Variants in DLG5 observed in about 807,000 individuals in gnomAD.
DLG5 encodes the protein discs large MAGUK scaffold protein 5, also known as disks large homolog 5.
In DLG5, 48 loss-of-function variants were observed where a neutral mutation model predicts 189.8. The observed-to-expected ratio is 0.25, with a 90% CI of 0.20 to 0.32. DLG5 has a LOEUF of 0.32. Among genes scored for constraint, DLG5 ranks in the 10% least tolerant of loss-of-function variants. The probability of loss-of-function intolerance (pLI) is 1.00; values close to 1 mark genes in which losing one functional copy is unlikely to be tolerated. For missense variants in DLG5, 2,160 were observed against 2,544.7 expected, an observed-to-expected ratio of 0.85 and a Z score of 3.25; for synonymous variants, 1,016 against 1,054.1, an observed-to-expected ratio of 0.96 and a Z score of 0.70.
intron 1 of DLG5, among the ~76,000 whole-genome samples, chr10:77,909,477 A>T (rs537860948): frequency 6.2e-4 from 94 of 152,230 alleles, no homozygotes; most frequent in African/African-American, 2.2e-3. Context: ...CGTGTTCTGC[A>T]CATGTACCCC....
At chr10:77,839,219 G>A (rs1215987927) in intron 7 of DLG5, among the ~76,000 whole-genome samples, 1 of 152,184 alleles carries the variant, frequency 6.6e-6, no homozygotes, top group Non-Finnish European at 1.5e-5. Flanking sequence ...CTCAAAACTT[G>A]GCCAGGCGCA....
At chr10:77,917,730 C>A (rs1450708112) in intron 1 of DLG5, among the ~76,000 whole-genome samples, 1 of 152,124 alleles carries the variant, frequency 6.6e-6, no homozygotes, top group African/African-American at 2.4e-5. Context: ...CAGCAGTGTA[C>A]AAATACTTAA....
intron 18 of DLG5, among the ~76,000 whole-genome samples, chr10:77,817,331 C>T (rs73299473): frequency 1.3e-4 from 20 of 152,310 alleles, no homozygotes; most frequent in African/African-American, 4.3e-4. Flanking sequence ...CACTTCCAGC[C>T]ACGGAACAGC....
Position 77,791,138 on chromosome 10 carries a change from A to G in DLG5, c.*1302T>C, listed in dbSNP as rs1840626913. On this transcript the variant is annotated 3_prime_UTR_variant, in exon 32 of 32. Transcript: ENST00000372391. ...AAACATCAGTTATGGCTAAACTACA[A>G]TCTAGTGTCTAGAATTACAAAGAAT... 2 of 152,794 alleles carry G rather than the reference A, an allele frequency of 1.3e-5. No individual in the cohort carries two copies. Among genetic ancestry groups the G allele is most frequent in the East Asian group, 1.9e-4 (1 of 5,190 alleles). The allele number at this position is 152,794 out of a possible 1,614,324, so 9.5% of individuals were successfully genotyped here.
In DLG5 at chr10:77,819,362, T is replaced by A. The variant is rs759925005; in HGVS notation, c.3630A>T (p.Pro1210=). ...GGGGGCCAGCATCTCGGGCCGCAGG[T>A]GGAGAGCTGCAGGGGCCGACCCTGT... The part of the protein sequence containing the change: ...RSHRVGPCSS[P]PAARDAGPQG... The change falls in exon 17 of 32, where the codon CCA becomes CCT. Residue 1210 remains proline, a synonymous_variant. Coordinates refer to ENST00000372391, the MANE Select transcript of DLG5 (RefSeq NM_004747.4). 6.2e-7 allele frequency: 1 copy of A among 1,613,880 alleles called. No individual in the cohort carries two copies. Among genetic ancestry groups the A allele is most frequent in the South Asian group, 1.1e-5 (1 of 91,058 alleles).
chr10:77,796,745 C>T lies in DLG5; in HGVS notation c.5165-151G>A. On this transcript the variant is annotated intron_variant, in intron 27 of 31. Coordinates refer to ENST00000372391, the MANE Select transcript of DLG5 (RefSeq NM_004747.4). The surrounding 1 kb of genome is among the most constrained non-coding windows in gnomAD (Gnocchi z 5.2). ...TGAAAATCTCGTGTCCCAGGCACAA[C>T]CGGGCATCGTCACCCCTGGAGTCCA... 1 of 964,786 alleles carries T rather than the reference C, an allele frequency of 1.0e-6. No individual in the cohort carries two copies. The highest frequency in any genetic ancestry group is 1.5e-6 in the Non-Finnish European group (1 of 648,970). The allele number at this position is 964,786 out of a possible 1,614,324, so 59.8% of individuals were successfully genotyped here.
rs1425069886 is a variant in DLG5, at chr10:77,843,440, G to A, written c.1124+7C>T. 6.2e-7 allele frequency: 1 copy of A among 1,612,994 alleles called. No individual in the cohort carries two copies. Among genetic ancestry groups the A allele is most frequent in the South Asian group, 1.1e-5 (1 of 91,076 alleles). On this transcript the variant is annotated splice_region_variant and intron_variant, in intron 6 of 31. Coordinates refer to ENST00000372391, the MANE Select transcript of DLG5 (RefSeq NM_004747.4). The stretch of plus-strand genomic sequence containing the variant: ...TTGCCCCCGGCCCCCGATGGCCCTA[G>A]CCCTACCTCCTCAGGGAGAGGGCGC...
chr10:77,832,680 T>C (rs1401104742), intron 9 of DLG5, among the ~76,000 whole-genome samples: 3 of 152,090 alleles, frequency 2.0e-5, no homozygotes, highest in Non-Finnish European at 4.4e-5. Context: ...GAGGCACAAA[T>C]GCAAACATGC....
At chr10:77,852,455 A>G (rs1844026169) in intron 5 of DLG5, among the ~76,000 whole-genome samples, 1 of 152,102 alleles carries the variant, frequency 6.6e-6, no homozygotes. Flanking sequence ...TTGCTCTGTC[A>G]CCCAGGCTGG....
intron 1 of DLG5, among the ~76,000 whole-genome samples, chr10:77,880,914 A>C (rs1453527051): frequency 6.7e-6 from 1 of 149,264 alleles, no homozygotes; most frequent in Non-Finnish European, 1.5e-5. Flanking sequence ...AAAGCTAGTA[A>C]GCAGAGGGTC....
At chr10:77,911,781 C>A (rs920819509) in intron 1 of DLG5, among the ~76,000 whole-genome samples, 1 of 152,094 alleles carries the variant, frequency 6.6e-6, no homozygotes, top group South Asian at 2.1e-4. Context: ...GCTTTCCACA[C>A]GGGCAGCCCT....
At chr10:77,854,020 A>G (rs1188002747) in intron 4 of DLG5, among the ~76,000 whole-genome samples, 2 of 152,230 alleles carry the variant, frequency 1.3e-5, no homozygotes, top group African/African-American at 4.8e-5. Context: ...GAAGCTGGCA[A>G]TAAGATGTGA....
Position 77,853,363 on chromosome 10 carries a change from C to G in DLG5, c.855G>C (p.Gln285His). ...CAGGGGCTGGGCCTACCTGCTGCTG[C>G]TGGGCACGGAGGTCACCGATCTCCT... ...DQKEIGDLRA[Q>H]QQQVLKHNGS... The change falls in exon 5 of 32, where the codon CAG (glutamine) becomes CAC (histidine). Residue 285 changes from glutamine (Q) to histidine (H), a missense_variant. Transcript: ENST00000372391. 1.3e-6 allele frequency: 2 copies of G among 1,552,158 alleles called. No homozygotes were observed. Among genetic ancestry groups the G allele is most frequent in the Non-Finnish European group, 1.8e-6 (2 of 1,141,584 alleles).
At chr10:77,840,614 G>A (rs2154576263) in intron 7 of DLG5, among the ~76,000 whole-genome samples, 1 of 152,294 alleles carries the variant, frequency 6.6e-6, no homozygotes, top group South Asian at 2.1e-4. Context: ...AGCTACTTGG[G>A]AGGCTGAGGC....
chr10:77,856,489 T>C (rs954325779), intron 3 of DLG5, among the ~76,000 whole-genome samples: 3 of 150,710 alleles, frequency 2.0e-5, no homozygotes, highest in Non-Finnish European at 1.5e-5. Context: ...CGAGCTGACT[T>C]TGCACACAAG....
At chr10:77,805,407 C>A (rs1253103010) in intron 27 of DLG5, among the ~76,000 whole-genome samples, 1 of 152,230 alleles carries the variant, frequency 6.6e-6, no homozygotes, top group Non-Finnish European at 1.5e-5. Context: ...CCACTCCTTC[C>A]TTCCTCCTGC....
intron 27 of DLG5, 103 bp downstream of exon 27, chr10:77,805,562 G>A: frequency 7.3e-7 from 1 of 1,362,250 alleles, no homozygotes; most frequent in Non-Finnish European, 1.0e-6. Context: ...GCGCACAAAA[G>A]CAAAGTAAGA....
chr10:77,933,179 GTC>G, the DLG5 span, among the ~76,000 whole-genome samples: 19 of 152,264 alleles, frequency 1.2e-4, no homozygotes, highest in African/African-American at 4.3e-4. Flanking sequence ...AGGGTTTGGT[GTC>G]TCTGCTACAT....
At chr10:77,934,431 TC>T in the DLG5 span, among the ~76,000 whole-genome samples, 7 of 149,224 alleles carry the variant, frequency 4.7e-5, no homozygotes, top group Non-Finnish European at 3.0e-5. Context: ...AGGGAGAGTA[TC>T]CTTGAGTATC....
Sources: allele counts gnomAD v4.1 joint callset (sites outside exome capture counted in the v4.1 genomes callset), GRCh38; gene constraint gnomAD v4.1.1; non-coding constraint Gnocchi (gnomAD v3.1); transcripts MANE v1.5; gene names NCBI Gene and HGNC (gene_info 2026-07-23, HGNC 2026-07-21).